Variants in GPC6 observed in about 807,000 individuals in gnomAD.
The protein encoded by GPC6 is glypican-6.
GPC6 carries 14 observed loss-of-function variants against 55.2 expected under a neutral mutation model. The ratio of observed to expected loss-of-function variants is 0.25; its 90% CI spans 0.17 to 0.40. The LOEUF (loss-of-function observed/expected upper bound fraction) is 0.40, where lower values mean the gene tolerates loss of function less well. Ranked by LOEUF, GPC6 falls within the 10% of genes least tolerant of loss-of-function variation. The probability of loss-of-function intolerance (pLI) is 1.00; values close to 1 mark genes in which losing one functional copy is unlikely to be tolerated. For synonymous variants in GPC6, 278 were observed against 259.6 expected (o/e 1.07, Z -0.68); for missense variants, 641 against 708.5 (o/e 0.90, Z 1.08).
chr13:93,637,425 A>G (rs185340829), intron 2 of GPC6, among the ~76,000 whole-genome samples: 13 of 151,950 alleles, frequency 8.6e-5, no homozygotes, highest in African/African-American at 2.9e-4. Context: ...TCTTGCCACA[A>G]TGTTTTGCCA....
At chr13:93,991,058 T>G (rs1014432419) in intron 3 of GPC6, among the ~76,000 whole-genome samples, 1 of 152,122 alleles carries the variant, frequency 6.6e-6, no homozygotes, top group Non-Finnish European at 1.5e-5. Context: ...TTCATTGATT[T>G]TTTTTTCTTC....
At chr13:94,317,400 AC>A (rs201135192) in intron 6 of GPC6, among the ~76,000 whole-genome samples, 2 of 148,716 alleles carry the variant, frequency 1.3e-5, no homozygotes, top group African/African-American at 5.0e-5. Flanking sequence ...GAATGCTAGA[AC>A]AAAAGGGTAA....
rs116586967 is a variant in GPC6 at position 93,974,864 on chromosome 13, T to C, written c.712-52865T>C. Among the ~76,000 whole-genome samples the C allele has an allele frequency of 9.9e-3, 1,505 of 152,280 alleles. 27 individuals carry two copies. The highest frequency in any genetic ancestry group is 0.035 in the African/African-American group (1,447 of 41,558). ...CTCCTTTATTTTATACAAAATCATG[T>C]GATGTAGGCACTGCTTTTATCCTCA... On this transcript the variant is annotated intron_variant, in intron 3 of 8. Coordinates refer to ENST00000377047, the MANE Select transcript of GPC6 (RefSeq NM_005708.5).
At chr13:93,789,648 A>G (rs1280507672) in intron 2 of GPC6, among the ~76,000 whole-genome samples, 9 of 84,968 alleles carry the variant, frequency 1.1e-4, no homozygotes, top group Non-Finnish European at 1.4e-4. Context: ...TATATATAGT[A>G]TTCGGTTAAA....
chr13:93,959,107 C>A (rs1879644182), intron 3 of GPC6, among the ~76,000 whole-genome samples: 3 of 151,648 alleles, frequency 2.0e-5, no homozygotes, highest in Non-Finnish European at 2.9e-5. Context: ...GGTATAAAAT[C>A]ATATTGTCAG....
At chr13:93,254,308 A>G (rs1876880248) in intron 1 of GPC6, among the ~76,000 whole-genome samples, 1 of 152,218 alleles carries the variant, frequency 6.6e-6, no homozygotes, top group Non-Finnish European at 1.5e-5. Flanking sequence ...TGGGTGACAG[A>G]CTGAGACTCT....
At chr13:93,417,124 G>C (rs1594154975) in intron 1 of GPC6, among the ~76,000 whole-genome samples, 1 of 152,098 alleles carries the variant, frequency 6.6e-6, no homozygotes, top group Non-Finnish European at 1.5e-5. Flanking sequence ...GTAAATGCCA[G>C]TTTCAATTTT....
intron 3 of GPC6, among the ~76,000 whole-genome samples, chr13:93,927,558 A>G (rs1877925873): frequency 6.6e-6 from 1 of 152,130 alleles, no homozygotes; most frequent in Admixed American, 6.5e-5. Context: ...GCAGAGTTCA[A>G]TGGGGGTAGT....
intron 4 of GPC6, among the ~76,000 whole-genome samples, chr13:94,268,764 A>G (rs544911628): frequency 6.6e-6 from 1 of 152,198 alleles, no homozygotes; most frequent in Non-Finnish European, 1.5e-5. Context: ...GTGACATGGG[A>G]TGCTTTATTT....
chr13:93,353,217 C>T (rs73542897), intron 1 of GPC6, among the ~76,000 whole-genome samples: 22,067 of 151,990 alleles, frequency 0.15, 1,860 homozygotes, highest in East Asian at 0.42. Context: ...TTTAGGCATA[C>T]GATAAAGTAA....
intron 3 of GPC6, among the ~76,000 whole-genome samples, chr13:93,913,796 C>T (rs1877139828): frequency 6.6e-6 from 1 of 152,118 alleles, no homozygotes; most frequent in Admixed American, 6.5e-5. Flanking sequence ...GAAGGATTAA[C>T]ATTCATTTTG....
intron 4 of GPC6, among the ~76,000 whole-genome samples, chr13:94,053,498 T>A (rs1283733368): frequency 6.6e-6 from 1 of 152,190 alleles, no homozygotes; most frequent in African/African-American, 2.4e-5. Context: ...ACCCAATAAA[T>A]TCACAATAGA....
At chr13:93,904,990 T>G (rs1876563768) in intron 3 of GPC6, among the ~76,000 whole-genome samples, 1 of 144,370 alleles carries the variant, frequency 6.9e-6, no homozygotes, top group Non-Finnish European at 1.5e-5. Context: ...TGTGTTCTCA[T>G]TGTTCAATTC....
At chr13:93,288,135 A>G (rs1878199299) in intron 1 of GPC6, among the ~76,000 whole-genome samples, 1 of 152,178 alleles carries the variant, frequency 6.6e-6, no homozygotes, top group Non-Finnish European at 1.5e-5. Context: ...CTACAAAGTA[A>G]TACTTATAAA....
At chr13:93,318,571 AG>A (rs1374332554) in intron 1 of GPC6, among the ~76,000 whole-genome samples, 1 of 152,152 alleles carries the variant, frequency 6.6e-6, no homozygotes, top group Non-Finnish European at 1.5e-5. Context: ...ATGAATAAAG[AG>A]GATTGGAGAG....
chr13:94,388,362 C>A (rs1468167333), intron 7 of GPC6, among the ~76,000 whole-genome samples: 1 of 152,170 alleles, frequency 6.6e-6, no homozygotes, highest in East Asian at 1.9e-4. Flanking sequence ...TCAATTATAA[C>A]ATCACCCACT....
chr13:94,011,269 A>T (rs1882235056), intron 3 of GPC6, among the ~76,000 whole-genome samples: 1 of 152,170 alleles, frequency 6.6e-6, no homozygotes, highest in African/African-American at 2.4e-5. Flanking sequence ...CTCTACATCA[A>T]ATATTTTATA....
intron 2 of GPC6, among the ~76,000 whole-genome samples, chr13:93,635,251 G>A (rs1879644884): frequency 6.6e-6 from 1 of 151,790 alleles, no homozygotes; most frequent in South Asian, 2.1e-4. Context: ...TATTTTATGA[G>A]AATTCATTAT....
chr13:94,358,647 C>T (rs73551894), intron 6 of GPC6, among the ~76,000 whole-genome samples: 5,799 of 152,142 alleles, frequency 0.038, 224 homozygotes, highest in African/African-American at 0.095. Flanking sequence ...GTTAAGAGTG[C>T]GAATCTCCAG....
Sources: allele counts gnomAD v4.1 joint callset (sites outside exome capture counted in the v4.1 genomes callset), GRCh38; gene constraint gnomAD v4.1.1; transcripts MANE v1.5; gene names NCBI Gene and HGNC (gene_info 2026-07-23, HGNC 2026-07-21).